Variants in OBSL1 observed in about 807,000 individuals in gnomAD.
OBSL1 encodes obscurin like cytoskeletal adaptor 1.
A neutral mutation model predicts 172.0 loss-of-function variants in OBSL1; 160 were observed. The observed-to-expected ratio is 0.93, with a 90% CI of 0.82 to 1.06. The LOEUF is 1.06. OBSL1 is among the 50% of genes least tolerant of loss of function. The probability of loss-of-function intolerance (pLI) is 0.00; values close to 1 mark genes in which losing one functional copy is unlikely to be tolerated. For synonymous variants in OBSL1, 1,200 were observed against 1,196.3 expected (o/e 1.00, Z -0.06); for missense variants, 2,681 against 2,715.4 (o/e 0.99, Z 0.28).
Position 219,557,633 on chromosome 2 carries a change from C to T in OBSL1, c.3791-15G>A, listed in dbSNP as rs779848809. 16 of 1,519,952 alleles carry T rather than the reference C, an allele frequency of 1.1e-5. No homozygotes were observed. In the South Asian group the frequency reaches 1.8e-4, roughly 17 times the overall value. The allele number at this position is 1,519,952 out of a possible 1,614,324, so 94.2% of individuals were successfully genotyped here. On this transcript the variant is annotated splice_polypyrimidine_tract_variant and intron_variant, in intron 11 of 20. Coordinates refer to ENST00000404537, the MANE Select transcript of OBSL1 (RefSeq NM_015311.3). ...CACAGGGGGCTCTGTGGAGTCAGAG[C>T]TGGAGGTCACTGGGAGGGAGAGGCT...
chr2:219,551,351 T>C (rs1490821603), intron 20 of OBSL1, 178 bp downstream of exon 20: 2 of 1,394,446 alleles, frequency 1.4e-6, no homozygotes, highest in Non-Finnish European at 1.9e-6. Flanking sequence ...AGCCAAGCAG[T>C]TCCAGGGCTT....
In OBSL1 at chr2:219,568,164, C is replaced by T. The variant is rs773311659; in HGVS notation, c.1173G>A (p.Glu391=). ...LPCRKYEQIE[E]GTVRRLIIHR... ...GGATGATGAGGCGCCGGACAGTGCC[C>T]TCTTCGATCTGCTCGTACTTGCGGC... is the stretch of plus-strand genomic sequence containing the variant. Residue 391 remains glutamate, a synonymous_variant, in exon 2 of 21, where the codon GAG becomes GAA. Coordinates refer to ENST00000404537, the MANE Select transcript of OBSL1 (RefSeq NM_015311.3). This position sits in a 1 kb window ranked among gnomAD's most constrained non-coding sequence, Gnocchi z 4.1. 1.7e-5 allele frequency: 28 copies of T among 1,613,708 alleles called. No homozygotes were observed. The highest frequency in any genetic ancestry group is 2.7e-5 in the African/African-American group (2 of 74,948).
chr2:219,564,800 G>T (rs866743676), intron 6 of OBSL1, among the ~76,000 whole-genome samples: 9 of 152,306 alleles, frequency 5.9e-5, no homozygotes, highest in Middle Eastern at 6.8e-3. Context: ...AGAAAGCCAG[G>T]CATGGTGGCT....
In OBSL1 at chr2:219,559,250, C is replaced by T. The variant is rs771264510; in HGVS notation, c.3201G>A (p.Ser1067=). 1.8e-5 allele frequency: 29 copies of T among 1,609,310 alleles called. No homozygotes were observed. Among genetic ancestry groups the T allele is most frequent in the Middle Eastern group, 1.7e-4 (1 of 6,048 alleles). The change falls in exon 9 of 21, where the codon TCG becomes TCA. Residue 1067 remains serine (S), a synonymous_variant. Coordinates refer to ENST00000404537, the MANE Select transcript of OBSL1 (RefSeq NM_015311.3). ...CTGTGACAGTGACAGTGAAGAAGGC[C>T]GAGTCATCTCCAGCATCACATACAA... ...GEFVCDAGDD[S]AFFTVTVTAP...
rs1483168614 is a variant in OBSL1 at position 219,570,511 on chromosome 2, G to A, written c.722C>T (p.Pro241Leu). ...ESPPADPDEA[P>L]APVVEPLKCA... ...CTTGAGCGGCTCCACCACCGGCGCG[G>A]GGGCCTCGTCGGGGTCCGCGGGCGG... is the stretch of plus-strand genomic sequence containing the variant. Residue 241 changes from proline to leucine, a missense_variant, in exon 1 of 21, where the codon CCC becomes CTC. Physicochemically the swap from Pro to Leu is moderately conservative, Grantham distance 98. Coordinates refer to ENST00000404537, the MANE Select transcript of OBSL1 (RefSeq NM_015311.3). The A allele has an allele frequency of 6.2e-7, 1 of 1,611,182 alleles. No individual in the cohort carries two copies.
intron 6 of OBSL1, among the ~76,000 whole-genome samples, 162 bp from the exon 7 acceptor site, chr2:219,563,789 C>T (rs1253863460): frequency 6.6e-6 from 1 of 152,036 alleles, no homozygotes; most frequent in African/African-American, 2.4e-5. Context: ...ATGCTGAGGG[C>T]ATGGCAGGTG....
chr2:219,549,884 A>G, downstream of OBSL1: 3 of 1,597,544 alleles, frequency 1.9e-6, no homozygotes, highest in Non-Finnish European at 2.6e-6. Context: ...CTCTGCAGTC[A>G]CCAGCTCTGC....
At chr2:219,549,806 G>A (rs780135042), downstream of OBSL1, 19 of 1,613,996 alleles carry the variant, frequency 1.2e-5, no homozygotes, top group Non-Finnish European at 1.6e-5. Flanking sequence ...ATGAGTATGG[G>A]TCCCGGGGAC....
downstream of OBSL1, chr2:219,549,642 T>G (rs571788439): frequency 6.3e-7 from 1 of 1,587,876 alleles, no homozygotes; most frequent in East Asian, 2.2e-5. Flanking sequence ...GTCAGGCTTG[T>G]GGGAATTCAG....
At chr2:219,559,113 A>C in intron 9 of OBSL1, 112 bp downstream of exon 9, 1 of 1,053,248 alleles carries the variant, frequency 9.5e-7, no homozygotes, top group South Asian at 1.6e-5. Context: ...AACATGAGGA[A>C]GCTGGATAAG....
rs779853705 is a variant in OBSL1, at chr2:219,565,216, G to A, written c.2407+26C>T. The stretch of plus-strand genomic sequence containing the variant: ...GCCCCACAATCAGCCTTGGCTGGAG[G>A]AGCCCAGGCTGGCATGCTTCCTGAC... On this transcript the variant is annotated intron_variant, in intron 6 of 20. Transcript: ENST00000404537. 2.1e-5 allele frequency: 34 copies of A among 1,585,574 alleles called. No individual in the cohort carries two copies. The African/African-American group carries it at 4.0e-4, about 19-fold the overall frequency.
rs756150406 is a variant in OBSL1 at position 219,554,549 on chromosome 2, G to C, written c.4801C>G (p.Leu1601Val). 1.9e-6 allele frequency: 3 copies of C among 1,613,536 alleles called. No homozygotes were observed. The Admixed American group carries it at 5.0e-5, about 27-fold the overall frequency. ...ACACAGCCTGAGTCGGCCAGGCCCA[G>C]GCCATTGAGTACCAGTCGGTGACGG... The part of the protein sequence containing the change: ...GHRHRLVLNG[L>V]GLADSGCVSF... Residue 1601 changes from leucine (L) to valine (V), a missense_variant, in exon 15 of 21, where the codon CTG becomes GTG. Transcript: ENST00000404537.
chr2:219,566,910 G>A lies in OBSL1; in HGVS notation c.2054C>T (p.Ala685Val), dbSNP rs745618316. The change falls in exon 5 of 21, where the codon GCC (alanine) becomes GTC (valine). Residue 685 changes from alanine to valine, a missense_variant. By Grantham distance (64) the Ala-to-Val change is moderately conservative (BLOSUM62 0). Transcript: ENST00000404537. ...KGLQHRLILH[A>V]VKHQDSGALV... ...GGCACCGCTGTCCTGGTGCTTGACGGCATGCAGGATGAGTCTGTGCTGCAG... is the reference window on the plus strand; with the variant it reads ...GGCACCGCTGTCCTGGTGCTTGACGACATGCAGGATGAGTCTGTGCTGCAG... The A allele has an allele frequency of 8.7e-6, 14 of 1,610,648 alleles. No individual in the cohort carries two copies. The Admixed American group carries it at 2.2e-4, about 25-fold the overall frequency.
At chr2:219,566,210 T>A (rs1696876110) in intron 5 of OBSL1, among the ~76,000 whole-genome samples, 1 of 152,140 alleles carries the variant, frequency 6.6e-6, no homozygotes, top group Admixed American at 6.5e-5. Flanking sequence ...CGAAGCCCCA[T>A]CTCTACTAAA....
chr2:219,563,763 G>A, intron 6 of OBSL1, 136 bp from the exon 7 acceptor site: 1 of 948,612 alleles, frequency 1.1e-6, no homozygotes, highest in Non-Finnish European at 1.6e-6. Flanking sequence ...TAGGGACTCA[G>A]GGACAATGAC....
intron 6 of OBSL1, 101 bp downstream of exon 6, chr2:219,565,141 G>T: frequency 7.7e-7 from 1 of 1,293,688 alleles, no homozygotes; most frequent in Non-Finnish European, 1.0e-6. Flanking sequence ...GACTCTCCCT[G>T]TAAAGGACTC....
downstream of OBSL1, chr2:219,550,581 G>A (rs752277664): frequency 1.6e-5 from 9 of 550,556 alleles, no homozygotes; most frequent in Non-Finnish European, 2.6e-5. Context: ...CAAACTGTGT[G>A]GCCTCTGCCA....
At chr2:219,554,893 G>A in intron 14 of OBSL1, 153 bp from the exon 15 acceptor site, 4 of 753,392 alleles carry the variant, frequency 5.3e-6, no homozygotes, top group Admixed American at 5.8e-5. Flanking sequence ...AGGAAGAAAG[G>A]AGCACGGTGG....
downstream of OBSL1, chr2:219,549,742 G>T (rs756204037): frequency 6.2e-7 from 1 of 1,613,678 alleles, no homozygotes; most frequent in Non-Finnish European, 8.5e-7. Flanking sequence ...TTCCGAGACC[G>T]GCAGACCGGG....
Sources: allele counts gnomAD v4.1 joint callset (sites outside exome capture counted in the v4.1 genomes callset), GRCh38; gene constraint gnomAD v4.1.1; non-coding constraint Gnocchi (gnomAD v3.1); transcripts MANE v1.5; gene names NCBI Gene and HGNC (gene_info 2026-07-23, HGNC 2026-07-21).